GABRA3: variants seen among roughly 807,000 people sequenced by gnomAD.
The protein encoded by GABRA3 is gamma-aminobutyric acid type A receptor subunit alpha3, also known as gamma-aminobutyric acid receptor subunit alpha-3.
GABRA3 carries 10 observed loss-of-function variants against 30.1 expected under a neutral mutation model. That is an observed-to-expected ratio of 0.33 (90% CI 0.20 to 0.56). The LOEUF is 0.56. GABRA3 is among the 20% of genes least tolerant of loss of function. The pLI is 0.89. For synonymous variants in GABRA3, 151 were observed against 146.8 expected (o/e 1.03, Z -0.21); for missense variants, 233 against 392.0 (o/e 0.59, Z 3.42).
chrX:152,258,970 G>A (rs745886117), intron 4 of GABRA3, among the ~76,000 whole-genome samples: 1 of 111,820 alleles, frequency 8.9e-6, no homozygotes, highest in East Asian at 2.8e-4. Context: ...AAGAGTTACA[G>A]AAGAGGTAGG....
At chrX:152,427,260 C>T (rs755980744) in intron 1 of GABRA3, among the ~76,000 whole-genome samples, 1 of 111,896 alleles carries the variant, frequency 8.9e-6, no homozygotes, top group South Asian at 3.8e-4. Flanking sequence ...AATGACTCCT[C>T]TATGACCTTG....
intron 3 of GABRA3, among the ~76,000 whole-genome samples, chrX:152,291,251 C>T (rs1410858559): frequency 1.8e-5 from 2 of 111,328 alleles, no homozygotes; most frequent in Admixed American, 1.9e-4. Context: ...AGTTGGATTC[C>T]TAGGTATTTT....
chrX:152,310,685 C>A lies in GABRA3; in HGVS notation c.263-25950G>T, dbSNP rs952680403. Among the ~76,000 whole-genome samples, 55 of 109,530 alleles carry A rather than the reference C, an allele frequency of 5.0e-4. 1 individual carries two copies. Among genetic ancestry groups the A allele is most frequent in the African/African-American group, 1.1e-3 (34 of 30,077 alleles). ...CAAGAGTAAACTACTCCAAAGCTAG[C>A]AGAAGAAAAAAACAATAACCAAAAT... On this transcript the variant is annotated intron_variant, in intron 3 of 9. Coordinates refer to ENST00000370314, the MANE Select transcript of GABRA3 (RefSeq NM_000808.4).
At chrX:152,172,339 C>T (rs1937013850) in intron 9 of GABRA3, among the ~76,000 whole-genome samples, 1 of 111,543 alleles carries the variant, frequency 9.0e-6, no homozygotes, top group South Asian at 3.7e-4. Flanking sequence ...AACCCTTGTG[C>T]ACTATTGGGA....
At chrX:152,240,484 C>G (rs1419648069) in intron 5 of GABRA3, among the ~76,000 whole-genome samples, 1 of 86,929 alleles carries the variant, frequency 1.2e-5, no homozygotes, top group East Asian at 4.6e-4. Context: ...TGGAGTTGCT[C>G]TTCTCGAGGA....
chrX:152,284,529 G>A (rs1939255863), intron 4 of GABRA3, 139 bp downstream of exon 4: 1 of 381,618 alleles, frequency 2.6e-6, no homozygotes, highest in Admixed American at 4.0e-5. Context: ...GCTAAACGTA[G>A]GGTGGCGAGG....
intron 5 of GABRA3, chrX:152,251,078 A>G (rs1441154039): frequency 1.6e-5 from 5 of 315,641 alleles, no homozygotes; most frequent in Non-Finnish European, 3.1e-5. Flanking sequence ...TTTTGAGCCT[A>G]TGTCTCCCTC....
chrX:152,199,716 C>T (rs1031165877), intron 7 of GABRA3, among the ~76,000 whole-genome samples: 2 of 110,484 alleles, frequency 1.8e-5, no homozygotes, highest in African/African-American at 3.3e-5. Context: ...TTCACTCTCC[C>T]CATCCCCAAC....
rs768736485 is a variant in GABRA3, at chrX:152,284,652, C to T, written c.330+16G>A. Reference sequence around the variant, plus strand: ...CTAGTGCATCCTCTTTTACATTTACCTTTGCAAGAACTTACCATGTCAGTG... The same window carrying T: ...CTAGTGCATCCTCTTTTACATTTACTTTTGCAAGAACTTACCATGTCAGTG... On this transcript the variant is annotated intron_variant, in intron 4 of 9. Transcript: ENST00000370314. 1.8e-6 allele frequency: 2 copies of T among 1,142,227 alleles called. No individual in the cohort carries two copies. Among genetic ancestry groups the T allele is most frequent in the Non-Finnish European group, 2.4e-6 (2 of 840,224 alleles). 94.1% of individuals were successfully genotyped at this position (1,142,227 alleles called of 1,213,427 possible).
intron 5 of GABRA3, among the ~76,000 whole-genome samples, chrX:152,238,623 T>C (rs1051778687): frequency 2.8e-5 from 3 of 108,911 alleles, no homozygotes; most frequent in African/African-American, 1.0e-4. Context: ...CATCTGGTCC[T>C]GGACTCTTTT....
intron 3 of GABRA3, among the ~76,000 whole-genome samples, chrX:152,322,650 C>G (rs1278015326): frequency 3.7e-5 from 4 of 107,539 alleles, no homozygotes; most frequent in Non-Finnish European, 7.7e-5. Context: ...TCTCCTGCCT[C>G]AGCCTCCCCA....
At chrX:152,225,124 T>G (rs1326842136) in intron 5 of GABRA3, among the ~76,000 whole-genome samples, 1 of 106,599 alleles carries the variant, frequency 9.4e-6, no homozygotes, top group African/African-American at 3.4e-5. Flanking sequence ...CTGTACTTCC[T>G]TAGACACCCC....
At chrX:152,353,093 T>A (rs1940502135) in intron 2 of GABRA3, among the ~76,000 whole-genome samples, 1 of 110,689 alleles carries the variant, frequency 9.0e-6, no homozygotes, top group Non-Finnish European at 1.9e-5. Flanking sequence ...AGAACTAACC[T>A]GATTTTGGCT....
chrX:152,306,900 T>C (rs1939728325), intron 3 of GABRA3, among the ~76,000 whole-genome samples: 1 of 111,544 alleles, frequency 9.0e-6, no homozygotes, highest in Non-Finnish European at 1.9e-5. Context: ...TGCCCCAGCT[T>C]TGACATAGAT....
chrX:152,247,823 A>G (rs1938483673), intron 5 of GABRA3, among the ~76,000 whole-genome samples: 1 of 111,358 alleles, frequency 9.0e-6, no homozygotes, highest in South Asian at 3.8e-4. Context: ...TTTAACAAAT[A>G]CATGTGAAGC....
intron 7 of GABRA3, among the ~76,000 whole-genome samples, chrX:152,204,624 A>G (rs1296709345): frequency 8.9e-6 from 1 of 112,318 alleles, no homozygotes; most frequent in Non-Finnish European, 1.9e-5. Flanking sequence ...ACATGCCCTC[A>G]GGGAAATGCT....
intron 6 of GABRA3, among the ~76,000 whole-genome samples, chrX:152,215,751 A>C (rs1228980490): frequency 8.9e-6 from 1 of 111,789 alleles, no homozygotes; most frequent in African/African-American, 3.2e-5. Flanking sequence ...GAGATATGGA[A>C]TTTTATCAAA....
At chrX:152,386,922 A>G (rs777527788) in intron 1 of GABRA3, among the ~76,000 whole-genome samples, 1 of 106,412 alleles carries the variant, frequency 9.4e-6, no homozygotes, top group Admixed American at 1.0e-4. Context: ...GATAGACTGG[A>G]TTAAGAAAAT....
intron 1 of GABRA3, among the ~76,000 whole-genome samples, chrX:152,369,380 T>C (rs1175897780): frequency 1.8e-5 from 2 of 110,360 alleles, no homozygotes; most frequent in South Asian, 3.9e-4. Context: ...AATAAATAAA[T>C]ATATGATCTA....
Sources: gnomAD v4.1 joint callset for allele counts (sites outside exome capture counted in the v4.1 genomes callset) on GRCh38, gnomAD v4.1.1 for gene constraint, MANE v1.5 for transcripts, NCBI Gene and HGNC (gene_info 2026-07-23, HGNC 2026-07-21) for gene names.